MPP7: variants seen among roughly 807,000 people sequenced by gnomAD.
MPP7 encodes the protein MAGUK p55 scaffold protein 7.
Under a neutral mutation model 76.5 loss-of-function variants are expected in MPP7, and 60 were observed. The ratio of observed to expected loss-of-function variants is 0.78; its 90% CI spans 0.64 to 0.97. MPP7 has a LOEUF of 0.97. Ranked by LOEUF, MPP7 falls within the 50% of genes least tolerant of loss-of-function variation. The probability of loss-of-function intolerance (pLI) is 0.00; values close to 1 mark genes in which losing one functional copy is unlikely to be tolerated. For synonymous variants in MPP7, 237 were observed against 244.5 expected (o/e 0.97, Z 0.29); for missense variants, 641 against 694.0 (o/e 0.92, Z 0.86).
intron 2 of MPP7, among the ~76,000 whole-genome samples, chr10:28,323,809 C>T (rs886870945): frequency 1.3e-5 from 2 of 152,140 alleles, no homozygotes; most frequent in Non-Finnish European, 2.9e-5. Flanking sequence ...GGTTTGGATG[C>T]CGGGTGACTG....
At chr10:28,228,690 A>C (rs897718972) in intron 2 of MPP7, among the ~76,000 whole-genome samples, 9 of 151,974 alleles carry the variant, frequency 5.9e-5, no homozygotes, top group African/African-American at 1.2e-4. Context: ...GAACCCAAGA[A>C]GCAGAGGTTG....
intron 1 of MPP7, among the ~76,000 whole-genome samples, chr10:28,243,869 A>T (rs1241211697): frequency 1.3e-5 from 2 of 152,220 alleles, no homozygotes; most frequent in African/African-American, 4.8e-5. Flanking sequence ...TAAAAATGTT[A>T]TTTGTGTTAA....
intron 13 of MPP7, among the ~76,000 whole-genome samples, chr10:28,062,013 A>G (rs1851806555): frequency 6.6e-6 from 1 of 152,170 alleles, no homozygotes; most frequent in South Asian, 2.1e-4. Flanking sequence ...TATTCAAGGA[A>G]GTTTTTTAGG....
intron 2 of MPP7, among the ~76,000 whole-genome samples, chr10:28,234,786 G>A (rs1308614624): frequency 1.3e-5 from 2 of 148,150 alleles, no homozygotes; most frequent in African/African-American, 5.1e-5. Flanking sequence ...AAGTCTTTTG[G>A]ATTTTGTTGT....
chr10:28,133,905 G>A (rs1287027527), intron 5 of MPP7, among the ~76,000 whole-genome samples: 1 of 152,008 alleles, frequency 6.6e-6, no homozygotes. Context: ...ATTTTTCATT[G>A]CTATATAGTT....
intron 3 of MPP7, among the ~76,000 whole-genome samples, chr10:28,158,092 T>A (rs1836129960): frequency 6.6e-6 from 1 of 152,136 alleles, no homozygotes; most frequent in Non-Finnish European, 1.5e-5. Context: ...AATCCTCTAA[T>A]CCTGCACAGT....
intron 1 of MPP7, among the ~76,000 whole-genome samples, chr10:28,296,529 T>G (rs1841039660): frequency 6.6e-6 from 1 of 152,224 alleles, no homozygotes; most frequent in Non-Finnish European, 1.5e-5. Flanking sequence ...GTCTTTAATC[T>G]CCACTAACAT....
intron 3 of MPP7, among the ~76,000 whole-genome samples, chr10:28,189,076 T>C (rs1249594886): frequency 6.6e-6 from 1 of 152,190 alleles, no homozygotes; most frequent in Non-Finnish European, 1.5e-5. Context: ...CAAAATATTT[T>C]ATTTGTTTTA....
chr10:28,082,400 T>TTCTCCTTCTCCTCCTCCTCCTTC (rs1852805011), intron 12 of MPP7, among the ~76,000 whole-genome samples: 1 of 151,894 alleles, frequency 6.6e-6, no homozygotes, highest in Non-Finnish European at 1.5e-5. Flanking sequence ...CTTCCCCTTC[T>TTCTCCTTCTCCTCCTCCTCCTTC]TCTCCTTCTC....
intron 12 of MPP7, among the ~76,000 whole-genome samples, chr10:28,079,242 G>A (rs924325416): frequency 2.0e-5 from 3 of 152,062 alleles, no homozygotes; most frequent in Admixed American, 6.6e-5. Flanking sequence ...TGCTAGCACA[G>A]TATACTTTCA....
intron 15 of MPP7, chr10:28,057,747 T>C (rs1189669707): frequency 7.8e-7 from 1 of 1,288,178 alleles, no homozygotes; most frequent in Non-Finnish European, 1.0e-6. Context: ...TACTCCAGAT[T>C]CATCTTCCTT....
At chr10:28,054,768 C>T (rs7078969) in intron 16 of MPP7, among the ~76,000 whole-genome samples, 4,289 of 152,242 alleles carry the variant, frequency 0.028, 187 homozygotes, top group African/African-American at 0.096. Context: ...CCTCTGCCTC[C>T]GGGGTCCTAG....
intron 4 of MPP7, among the ~76,000 whole-genome samples, chr10:28,148,838 T>C (rs950860628): frequency 6.6e-6 from 1 of 152,206 alleles, no homozygotes; most frequent in African/African-American, 2.4e-5. Context: ...CATTGGTTTA[T>C]AAACAAATGT....
intron 11 of MPP7, among the ~76,000 whole-genome samples, chr10:28,093,550 G>A (rs1444423246): frequency 1.3e-5 from 2 of 151,078 alleles, no homozygotes; most frequent in African/African-American, 2.4e-5. Context: ...AGGTTCAAGC[G>A]ATTCTCATGC....
chr10:28,102,404 A>G (rs1443292920), intron 11 of MPP7, among the ~76,000 whole-genome samples: 3 of 152,212 alleles, frequency 2.0e-5, no homozygotes, highest in African/African-American at 7.2e-5. Flanking sequence ...TTCATTAATA[A>G]ACATGCTAAC....
intron 1 of MPP7, among the ~76,000 whole-genome samples, chr10:28,260,984 T>G (rs565010229): frequency 1.3e-5 from 2 of 152,258 alleles, no homozygotes; most frequent in African/African-American, 4.8e-5. Context: ...AAATTTATTC[T>G]TTAATAGCCT....
At chr10:28,092,337 T>C (rs537639922) in intron 11 of MPP7, among the ~76,000 whole-genome samples, 9 of 152,102 alleles carry the variant, frequency 5.9e-5, no homozygotes, top group African/African-American at 1.4e-4. Flanking sequence ...GAGAAGAGAA[T>C]AGGACAAGTT....
At chr10:28,118,240 T>A (rs1447706212) in intron 11 of MPP7, 1 of 985,174 alleles carries the variant, frequency 1.0e-6, no homozygotes, top group Non-Finnish European at 1.2e-6. Flanking sequence ...GAAACCAGTT[T>A]GAAAGAGCTA....
intron 1 of MPP7, among the ~76,000 whole-genome samples, chr10:28,280,416 T>C (rs1236933428): frequency 2.0e-5 from 3 of 152,012 alleles, no homozygotes; most frequent in Admixed American, 2.0e-4. Flanking sequence ...GTTATATTGT[T>C]TGGGGAATCA....
Sources: gnomAD v4.1 joint callset for allele counts (sites outside exome capture counted in the v4.1 genomes callset) on GRCh38, gnomAD v4.1.1 for gene constraint, MANE v1.5 for transcripts, NCBI Gene and HGNC (gene_info 2026-07-23, HGNC 2026-07-21) for gene names.